The following TMEM151B variants were observed in gnomAD, a reference collection of about 807,000 sequenced individuals.
The protein encoded by TMEM151B is transmembrane protein 151B, also known as transmembrane protein 193.
In TMEM151B, 18 loss-of-function variants were observed where a neutral mutation model predicts 33.0. The ratio of observed to expected loss-of-function variants is 0.55; its 90% confidence interval spans 0.38 to 0.81. The LOEUF (loss-of-function observed/expected upper bound fraction) is 0.81, where lower values mean the gene tolerates loss of function less well. TMEM151B is among the 30% of genes least tolerant of loss of function. The pLI, the probability that TMEM151B is intolerant of heterozygous loss-of-function variation, is 0.00. For synonymous variants in TMEM151B, 354 were observed against 373.6 expected (o/e 0.95, Z 0.61); for missense variants, 672 against 843.4 (o/e 0.80, Z 2.52).
intron 1 of TMEM151B, among the ~76,000 whole-genome samples, chr6:44,272,018 A>G (rs572603463): frequency 1.8e-4 from 27 of 152,202 alleles, no homozygotes; most frequent in African/African-American, 5.8e-4. Context: ...GCTGGGGGCC[A>G]GCACCATGGT....
Position 44,275,396 on chromosome 6 carries a change from GC to G in TMEM151B, c.577-5del. 1 of 1,491,828 alleles carries G rather than the reference GC, an allele frequency of 6.7e-7. No individual in the cohort carries two copies. Among genetic ancestry groups the G allele is most frequent in the Non-Finnish European group, 9.0e-7 (1 of 1,117,200 alleles). 92.4% of individuals were successfully genotyped at this position (1,491,828 alleles called of 1,614,324 possible). A position where few individuals can be genotyped will look rare whatever the true frequency, so the allele number is the denominator to read the frequency against. ...CGCGACCCCGCCGCCTGCCCCCCGC[GC>G]CGCAGGTCTACCACGAACGCGTCAA... On this transcript the variant is annotated splice_polypyrimidine_tract_variant and splice_region_variant and intron_variant, in intron 2 of 2. Transcript: ENST00000451188.
chr6:44,270,858 A>G lies in TMEM151B; in HGVS notation c.116A>G (p.Glu39Gly). ...TAAAAAAAAD[E>G]GPAREEQRPI... The stretch of plus-strand genomic sequence containing the variant: ...GCGGCGGCAGCGGCGGCGGCGGACG[A>G]GGGCCCCGCCCGAGAGGAGGTGAGA... Residue 39 changes from glutamate (E) to glycine (G), a missense_variant, in exon 1 of 3, where the codon GAG becomes GGG. Glu to Gly is a moderately conservative substitution (Grantham distance 98). Around this residue, in one of 3 missense-constraint regions of TMEM151B, gnomAD observed 63 missense variants for 57.2 expected, o/e 1.10. Coordinates refer to ENST00000451188, the MANE Select transcript of TMEM151B (RefSeq NM_001137560.2). 9.0e-7 allele frequency: 1 copy of G among 1,106,624 alleles called. No homozygotes were observed. The highest frequency in any genetic ancestry group is 1.1e-6 in the Non-Finnish European group (1 of 910,450). 68.6% of individuals were successfully genotyped at this position (1,106,624 alleles called of 1,614,324 possible).
At position 44,276,172 on chromosome 6, in the gene TMEM151B, G is replaced by A; in HGVS notation, c.1346G>A (p.Ser449Asn). The A allele has an allele frequency of 7.6e-7, 1 of 1,307,202 alleles. No homozygotes were observed. The highest frequency in any genetic ancestry group is 9.7e-7 in the Non-Finnish European group (1 of 1,035,712). 81.0% of individuals were successfully genotyped at this position (1,307,202 alleles called of 1,614,324 possible). A position where few individuals can be genotyped will look rare whatever the true frequency, so the allele number is the denominator to read the frequency against. Residue 449 changes from serine to asparagine, a missense_variant, in exon 3 of 3, where the codon AGC becomes AAC. By Grantham distance (46) the Ser-to-Asn change is conservative. This residue lies in a region of TMEM151B where 324 missense variants were observed against 363.1 expected (regional missense o/e 0.89). Coordinates refer to ENST00000451188, the MANE Select transcript of TMEM151B (RefSeq NM_001137560.2). ...AGCAGCTCGTCTATCTTCTCGCGCA[G>A]CGCCCTAAGCATCTGCGCCAGCCCG... is the stretch of plus-strand genomic sequence containing the variant. ...AVSSSSIFSRSALSICASPRA... is the reference protein window; with the variant it reads ...AVSSSSIFSRNALSICASPRA...
In TMEM151B at chr6:44,270,754, TGGCTCGGCCGCGGGAGAGAGCGCCGC is replaced by T. The variant is rs1782292509; in HGVS notation, c.13_38del (p.Gly5ArgfsTer47). ...GCCCCCTCTACGCCATGTCCCCCCCTGGCTCGGCCGCGGGAGAGAGCGCCGCCGGCGGCGGCGGCGGCGGTGGCGGC... is the reference window on the plus strand; with the variant it reads ...GCCCCCTCTACGCCATGTCCCCCCCTCGGCGGCGGCGGCGGCGGTGGCGGC... On this transcript the variant is annotated frameshift_variant, in exon 1 of 3. Coordinates refer to ENST00000451188, the MANE Select transcript of TMEM151B (RefSeq NM_001137560.2). LOFTEE classifies it high-confidence loss of function. 9.9e-7 allele frequency: 1 copy of T among 1,011,748 alleles called. No homozygotes were observed. Among genetic ancestry groups the T allele is most frequent in the Non-Finnish European group, 1.2e-6 (1 of 847,794 alleles). The allele number at this position is 1,011,748 out of a possible 1,614,324, so 62.7% of individuals were successfully genotyped here.
Sources: allele counts gnomAD v4.1 joint callset (sites outside exome capture counted in the v4.1 genomes callset), GRCh38; gene constraint gnomAD v4.1.1; regional missense constraint gnomAD v4.1.1; transcripts MANE v1.5; gene names NCBI Gene and HGNC (gene_info 2026-07-23, HGNC 2026-07-21).